HHIP: variants seen among roughly 807,000 people sequenced by gnomAD.
The protein encoded by HHIP is hedgehog-interacting protein.
HHIP carries 12 observed loss-of-function variants against 74.0 expected under a neutral mutation model. That is an observed-to-expected ratio of 0.16 (90% CI 0.10 to 0.26). HHIP has a LOEUF of 0.26. Among genes scored for constraint, HHIP ranks in the 10% least tolerant of loss-of-function variants. HHIP has a pLI of 1.00. For synonymous variants in HHIP, 309 were observed against 311.6 expected, an observed-to-expected ratio of 0.99 and a Z score of 0.09; for missense variants, 788 against 845.0, an observed-to-expected ratio of 0.93 and a Z score of 0.84.
Position 144,737,809 on chromosome 4 carries a change from C to G in HHIP, c.1955C>G (p.Pro652Arg), listed in dbSNP as rs748074465. The change falls in exon 13 of 13, where the codon CCG becomes CGG. Residue 652 changes from proline (P) to arginine (R), a missense_variant. Pro to Arg is a moderately radical substitution (Grantham distance 103, BLOSUM62 -2). Around this residue, in one of 3 missense-constraint regions of HHIP, gnomAD observed 343 missense variants for 347.9 expected, o/e 0.99. Transcript: ENST00000296575. ...CGTCATGGAGGTGTCTGTGTTAGACCGAACAAGTGCCTCTGTAAAAAAGGA... is the reference window on the plus strand; with the variant it reads ...CGTCATGGAGGTGTCTGTGTTAGACGGAACAAGTGCCTCTGTAAAAAAGGA... ...ACRHGGVCVR[P>R]NKCLCKKGYL... 1 of 1,612,952 alleles carries G rather than the reference C, an allele frequency of 6.2e-7. No homozygotes were observed. The highest frequency in any genetic ancestry group is 8.5e-7 in the Non-Finnish European group (1 of 1,179,456).
intron 11 of HHIP, among the ~76,000 whole-genome samples, chr4:144,731,139 A>C (rs926856855): frequency 4.6e-5 from 7 of 152,190 alleles, no homozygotes; most frequent in African/African-American, 1.7e-4. Flanking sequence ...AAAGTATAGC[A>C]ATTAGATTTT....
intron 4 of HHIP, among the ~76,000 whole-genome samples, chr4:144,703,645 C>T (rs926508024): frequency 1.3e-5 from 2 of 152,152 alleles, no homozygotes; most frequent in Admixed American, 1.3e-4. Flanking sequence ...GCTTTGAACA[C>T]ACACAGTCAG....
At chr4:144,669,969 G>A (rs1347573417) in intron 4 of HHIP, among the ~76,000 whole-genome samples, 16 of 123,476 alleles carry the variant, frequency 1.3e-4, no homozygotes, top group South Asian at 3.0e-4. Context: ...GAAAAACCCC[G>A]TCTCTACTTA....
At chr4:144,676,849 G>A (rs891570719) in intron 4 of HHIP, among the ~76,000 whole-genome samples, 1 of 152,220 alleles carries the variant, frequency 6.6e-6, no homozygotes, top group East Asian at 1.9e-4. Context: ...TCTTGGAGAT[G>A]CCAGAGGAAA....
rs781199748 is a variant in HHIP at position 144,718,941 on chromosome 4, T to C, written c.1745T>C (p.Ile582Thr). Reference protein sequence around the residue: ...TQTHNGKLYKIVDPKRPLMPE... With the variant: ...TQTHNGKLYKTVDPKRPLMPE... ...ACTCACAATGGAAAACTCTACAAAA[T>C]TGTAGATCCCAAAAGGTGAGATTTC... Residue 582 changes from isoleucine to threonine, a missense_variant, in exon 11 of 13, where the codon ATT becomes ACT. Transcript: ENST00000296575. 10 of 1,599,070 alleles carry C rather than the reference T, an allele frequency of 6.3e-6. No homozygotes were observed. The highest frequency in any genetic ancestry group is 2.7e-5 in the African/African-American group (2 of 74,524).
intron 3 of HHIP, among the ~76,000 whole-genome samples, 153 bp downstream of exon 3, chr4:144,659,099 A>C (rs1269303191): frequency 2.6e-5 from 4 of 152,204 alleles, no homozygotes; most frequent in Admixed American, 2.6e-4. Flanking sequence ...GTTTCTCTAA[A>C]ATTCTAGCTT....
chr4:144,662,642 G>T (rs1728746625), intron 4 of HHIP, among the ~76,000 whole-genome samples: 1 of 152,206 alleles, frequency 6.6e-6, no homozygotes, highest in South Asian at 2.1e-4. Context: ...GCACTGTGAA[G>T]AATGGGCCAC....
chr4:144,673,566 A>G (rs1040083249), intron 4 of HHIP, among the ~76,000 whole-genome samples: 1 of 152,128 alleles, frequency 6.6e-6, no homozygotes, highest in Non-Finnish European at 1.5e-5. Context: ...GAAAGGGGGG[A>G]AAATATGATT....
rs1731214615 is a variant in HHIP, at chr4:144,739,626, C to T, written c.*1669C>T. On this transcript the variant is annotated 3_prime_UTR_variant, in exon 13 of 13. Transcript: ENST00000296575. ...TGCTCTTGTCTTCCATATATGATTA[C>T]TTAAGTTTCAAGTGACCTCATGCCA... is the stretch of plus-strand genomic sequence containing the variant. 1 of 152,182 alleles carries T rather than the reference C, an allele frequency of 6.6e-6. No individual in the cohort carries two copies. Among genetic ancestry groups the T allele is most frequent in the Non-Finnish European group, 1.5e-5 (1 of 68,038 alleles). The allele number at this position is 152,182 out of a possible 1,614,324, so 9.4% of individuals were successfully genotyped here. A position where few individuals can be genotyped will look rare whatever the true frequency, so the allele number is the denominator to read the frequency against.
At chr4:144,659,045 A>G in intron 3 of HHIP, 99 bp downstream of exon 3, 1 of 918,060 alleles carries the variant, frequency 1.1e-6, no homozygotes, top group Admixed American at 2.7e-5. Flanking sequence ...TATGTTCAGC[A>G]GCTATATCCT....
In HHIP at chr4:144,708,266, A is replaced by G. The variant is rs1730201879; in HGVS notation, c.1256A>G (p.Asn419Ser). 6.2e-7 allele frequency: 1 copy of G among 1,614,152 alleles called. No individual in the cohort carries two copies. The highest frequency in any genetic ancestry group is 8.5e-7 in the Non-Finnish European group (1 of 1,180,016). The change falls in exon 7 of 13, where the codon AAC becomes AGC. Residue 419 changes from asparagine (N) to serine (S), a missense_variant. Asn to Ser is a conservative substitution (Grantham distance 46). Transcript: ENST00000296575. Reference sequence around the variant, plus strand: ...AGCAACCCACACTTCAACAGCACCAACCAGCCCCCCGAAGTGTTTGCTCAT... The same window carrying G: ...AGCAACCCACACTTCAACAGCACCAGCCAGCCCCCCGAAGTGTTTGCTCAT... Reference protein sequence around the residue: ...PRSNPHFNSTNQPPEVFAHGL... With the variant: ...PRSNPHFNSTSQPPEVFAHGL...
rs774460644 is a variant in HHIP, at chr4:144,662,097, T to C, written c.831+2259T>C. ...GTCAGACATAAGGAGGAATTTCTGA[T>C]TATAAGAGTTTCTAAAATCTATTGC... On this transcript the variant is annotated intron_variant, in intron 4 of 12. Coordinates refer to ENST00000296575, the MANE Select transcript of HHIP (RefSeq NM_022475.3). Among the ~76,000 whole-genome samples, 71 of 152,192 alleles carry C rather than the reference T, an allele frequency of 4.7e-4. 1 individual carries two copies. The highest frequency in any genetic ancestry group is 1.2e-4 in the Non-Finnish European group (8 of 68,020).
rs1730153247 is a variant in HHIP, at chr4:144,706,563, A to G, written c.864A>G (p.Ala288=). ...GGDERGLLSL[A]FHPNYKKNGK... ...ATGAAAGAGGACTGCTAAGCCTCGCATTCCATCCCAATTACAAGAAAAATG... is the reference window on the plus strand; with the variant it reads ...ATGAAAGAGGACTGCTAAGCCTCGCGTTCCATCCCAATTACAAGAAAAATG... The change falls in exon 5 of 13, where the codon GCA becomes GCG. Residue 288 remains alanine (A), a synonymous_variant. Transcript: ENST00000296575. 7.4e-6 allele frequency: 12 copies of G among 1,612,792 alleles called. No homozygotes were observed. The highest frequency in any genetic ancestry group is 1.0e-5 in the Non-Finnish European group (12 of 1,179,444).
rs779937975 is a variant in HHIP at position 144,737,789 on chromosome 4, T to C, written c.1935T>C (p.His645=). The part of the protein sequence containing the change: ...RTAKCEPACR[H]GGVCVRPNKC... ...CAAAATGTGAGCCAGCATGTCGTCA[T>C]GGAGGTGTCTGTGTTAGACCGAACA... The change falls in exon 13 of 13, where the codon CAT becomes CAC. Residue 645 remains histidine, a synonymous_variant. Coordinates refer to ENST00000296575, the MANE Select transcript of HHIP (RefSeq NM_022475.3). The C allele has an allele frequency of 6.2e-7, 1 of 1,609,706 alleles. No individual in the cohort carries two copies. Among genetic ancestry groups the C allele is most frequent in the Non-Finnish European group, 8.5e-7 (1 of 1,177,854 alleles).
In HHIP at chr4:144,715,293, G is replaced by A; in HGVS notation, c.1548-7G>A. ...CATTGTAGCTTTATGGTATGTTTCT[G>A]TTGTAGGAATTTCCTAACTCTCCAG... On this transcript the variant is annotated splice_polypyrimidine_tract_variant and splice_region_variant and intron_variant, in intron 9 of 12. Transcript: ENST00000296575. 1 of 1,611,454 alleles carries A rather than the reference G, an allele frequency of 6.2e-7. No individual in the cohort carries two copies. The highest frequency in any genetic ancestry group is 1.3e-5 in the African/African-American group (1 of 74,948).
chr4:144,659,962 G>A, intron 4 of HHIP, 124 bp downstream of exon 4: 2 of 697,490 alleles, frequency 2.9e-6, no homozygotes, highest in South Asian at 1.9e-5. Flanking sequence ...AAATAAGGGG[G>A]CAACATAAGA....
intron 1 of HHIP, among the ~76,000 whole-genome samples, chr4:144,649,849 G>T (rs1348297830): frequency 1.3e-5 from 2 of 152,074 alleles, no homozygotes; most frequent in African/African-American, 4.8e-5. Context: ...TCATCCTGGG[G>T]TCCCTTTAAC....
intron 7 of HHIP, among the ~76,000 whole-genome samples, chr4:144,711,600 TG>T (rs1313607706): frequency 6.6e-6 from 1 of 152,180 alleles, no homozygotes; most frequent in African/African-American, 2.4e-5. Context: ...TTTGGTTTTC[TG>T]TTCCTGGATG....
intron 11 of HHIP, among the ~76,000 whole-genome samples, chr4:144,725,937 C>A (rs2126680009): frequency 6.6e-6 from 1 of 152,212 alleles, no homozygotes; most frequent in Non-Finnish European, 1.5e-5. Context: ...TCCCAAAGTG[C>A]TGGGATTACA....
Sources: gnomAD v4.1 joint callset for allele counts (sites outside exome capture counted in the v4.1 genomes callset) on GRCh38, gnomAD v4.1.1 for gene constraint, gnomAD v4.1.1 regional missense constraint, MANE v1.5 for transcripts, NCBI Gene and HGNC (gene_info 2026-07-23, HGNC 2026-07-21) for gene names.